The following PTPRT variants were observed in gnomAD, a reference collection of about 807,000 sequenced individuals.
PTPRT encodes the protein protein tyrosine phosphatase receptor type T.
In PTPRT, 56 loss-of-function variants were observed where a neutral mutation model predicts 176.8. That is an observed-to-expected ratio of 0.32 (90% CI 0.26 to 0.40). PTPRT has a LOEUF of 0.40. Ranked by LOEUF, PTPRT falls within the 10% of genes least tolerant of loss-of-function variation. The pLI is 1.00. For synonymous variants in PTPRT, 783 were observed against 739.0 expected (o/e 1.06, Z -0.96); for missense variants, 1,540 against 1,908.2 (o/e 0.81, Z 3.60).
chr20:42,614,049 C>G (rs1001847584), intron 7 of PTPRT, among the ~76,000 whole-genome samples: 8 of 151,880 alleles, frequency 5.3e-5, no homozygotes, highest in African/African-American at 1.9e-4. Context: ...ACTGAAAGTC[C>G]AAGATCAAGG....
chr20:43,025,837 C>A (rs537120822), intron 1 of PTPRT, among the ~76,000 whole-genome samples: 1 of 152,216 alleles, frequency 6.6e-6, no homozygotes, highest in Admixed American at 6.5e-5. Context: ...AGTATTTCAT[C>A]CTTTGACTTG....
In PTPRT at chr20:42,791,365, G is replaced by T; in HGVS notation, c.316C>A (p.His106Asn). ...KENDTHCIDF[H>N]YYFSSRDRSS... The stretch of plus-strand genomic sequence containing the variant: ...CTGTCACGGCTGGAGAAGTAGTAAT[G>T]GAAGTCGATGCAGTGGGTGTCATTC... Residue 106 changes from histidine (H) to asparagine (N), a missense_variant, in exon 3 of 31, where the codon CAT becomes AAT. Coordinates refer to ENST00000373187, the MANE Select transcript of PTPRT (RefSeq NM_007050.6). The T allele has an allele frequency of 1.2e-6, 2 of 1,614,244 alleles. No homozygotes were observed. Among genetic ancestry groups the T allele is most frequent in the South Asian group, 2.2e-5 (2 of 91,088 alleles).
intron 7 of PTPRT, among the ~76,000 whole-genome samples, chr20:42,648,488 C>T (rs955295988): frequency 6.6e-6 from 1 of 152,098 alleles, no homozygotes; most frequent in Non-Finnish European, 1.5e-5. Context: ...AGAAGAGAAA[C>T]AGCAGGTTCT....
chr20:42,058,895 A>G, the PTPRT span, among the ~76,000 whole-genome samples: 1 of 151,952 alleles, frequency 6.6e-6, no homozygotes, highest in East Asian at 1.9e-4. Context: ...GGATTGACCT[A>G]CTCTTCAGTA....
chr20:42,240,972 C>A (rs1236818884), intron 14 of PTPRT, among the ~76,000 whole-genome samples: 2 of 152,102 alleles, frequency 1.3e-5, no homozygotes, highest in African/African-American at 2.4e-5. Flanking sequence ...ATTGCATGAA[C>A]TATTTTATTT....
intron 11 of PTPRT, among the ~76,000 whole-genome samples, chr20:42,336,693 T>C (rs2058044861): frequency 6.6e-6 from 1 of 150,994 alleles, no homozygotes; most frequent in African/African-American, 2.5e-5. Context: ...TTGTGATTGC[T>C]TGGTTATTTA....
intron 12 of PTPRT, among the ~76,000 whole-genome samples, chr20:42,295,784 C>T (rs2057377975): frequency 6.6e-6 from 1 of 152,070 alleles, no homozygotes; most frequent in South Asian, 2.1e-4. Context: ...GGGGGAGGGA[C>T]CTTGTGGGAG....
intron 7 of PTPRT, among the ~76,000 whole-genome samples, chr20:42,614,959 A>AGGGTACATTT (rs2074043258): frequency 1.4e-5 from 2 of 139,094 alleles, no homozygotes; most frequent in Admixed American, 1.4e-4. Flanking sequence ...ATTATACTTT[A>AGGGTACATTT]AGTTTTAGGG....
chr20:42,717,342 C>G (rs2076241032), intron 6 of PTPRT, among the ~76,000 whole-genome samples: 1 of 151,802 alleles, frequency 6.6e-6, no homozygotes, highest in African/African-American at 2.4e-5. Context: ...AGCAGAAGAT[C>G]CAAAATAAAC....
chr20:42,047,931 C>G, the PTPRT span, among the ~76,000 whole-genome samples: 1 of 152,178 alleles, frequency 6.6e-6, no homozygotes, highest in Non-Finnish European at 1.5e-5. Context: ...AGCCTAGGCT[C>G]TGCTCTGGAA....
chr20:42,533,507 G>A (rs979564459), intron 7 of PTPRT, among the ~76,000 whole-genome samples: 2 of 152,166 alleles, frequency 1.3e-5, no homozygotes, highest in Non-Finnish European at 2.9e-5. Flanking sequence ...GTGTGTTCTC[G>A]CTTTGGGTTT....
At chr20:42,917,958 C>T (rs978238029) in intron 1 of PTPRT, among the ~76,000 whole-genome samples, 1 of 152,160 alleles carries the variant, frequency 6.6e-6, no homozygotes, top group African/African-American at 2.4e-5. Flanking sequence ...GCTTGCCATT[C>T]CTTGGGCTAA....
In PTPRT at chr20:42,206,333, G is replaced by A. The variant is rs943016108; in HGVS notation, c.2343-6945C>T. ...GTCTACAGCTCCCAGCGTGAGCGAC[G>A]CAGAAGACGGTGATTTCTGCATTTC... On this transcript the variant is annotated intron_variant, in intron 15 of 30. Coordinates refer to ENST00000373187, the MANE Select transcript of PTPRT (RefSeq NM_007050.6). 4.6e-5 allele frequency among the ~76,000 whole-genome samples: 7 copies of A among 152,204 alleles called. 1 individual carries two copies. The highest frequency in any genetic ancestry group is 3.3e-4 in the Admixed American group (5 of 15,288).
At chr20:43,064,507 AAAC>A (rs1446389213) in intron 1 of PTPRT, among the ~76,000 whole-genome samples, 1 of 152,238 alleles carries the variant, frequency 6.6e-6, no homozygotes, top group Non-Finnish European at 1.5e-5. Flanking sequence ...TCAAATTAAA[AAAC>A]AACAACAAAA....
At chr20:42,367,371 C>T (rs891753122) in intron 9 of PTPRT, among the ~76,000 whole-genome samples, 5 of 152,116 alleles carry the variant, frequency 3.3e-5, no homozygotes, top group African/African-American at 1.2e-4. Context: ...TTTGGGGAAA[C>T]CACAGACTCA....
intron 8 of PTPRT, among the ~76,000 whole-genome samples, chr20:42,465,180 C>A (rs577936448): frequency 6.6e-6 from 1 of 151,844 alleles, no homozygotes; most frequent in East Asian, 1.9e-4. Flanking sequence ...ATTTAGTGTT[C>A]AGATTAAATG....
At chr20:42,718,557 A>C (rs1293528046) in intron 6 of PTPRT, among the ~76,000 whole-genome samples, 1 of 152,200 alleles carries the variant, frequency 6.6e-6, no homozygotes, top group Non-Finnish European at 1.5e-5. Context: ...AATTAAAAAT[A>C]AATTAAAAAG....
chr20:43,016,765 G>A (rs1985394466), intron 1 of PTPRT, among the ~76,000 whole-genome samples: 1 of 151,782 alleles, frequency 6.6e-6, no homozygotes, highest in Non-Finnish European at 1.5e-5. Flanking sequence ...CTCCAACTCT[G>A]ACTTCAAGTG....
At chr20:42,046,245 C>G in the PTPRT span, among the ~76,000 whole-genome samples, 2 of 152,192 alleles carry the variant, frequency 1.3e-5, no homozygotes, top group Non-Finnish European at 2.9e-5. Context: ...TCGCTTTATT[C>G]AAGGACTCAA....
Sources: allele counts gnomAD v4.1 joint callset (sites outside exome capture counted in the v4.1 genomes callset), GRCh38; gene constraint gnomAD v4.1.1; transcripts MANE v1.5; gene names NCBI Gene and HGNC (gene_info 2026-07-23, HGNC 2026-07-21).